Variants in KPNA7 observed in about 807,000 individuals in gnomAD.
KPNA7 encodes the protein importin subunit alpha-8.
KPNA7 carries 54 observed loss-of-function variants against 53.7 expected under a neutral mutation model. The ratio of observed to expected loss-of-function variants is 1.01; its 90% confidence interval spans 0.81 to 1.26. KPNA7 has a LOEUF of 1.26. Among genes scored for constraint, KPNA7 ranks in the 50% most tolerant of loss-of-function variants. KPNA7 has a pLI of 0.00. For missense variants in KPNA7, 640 were observed against 644.5 expected (o/e 0.99, Z 0.07); for synonymous variants, 276 against 259.3 (o/e 1.06, Z -0.62).
intron 6 of KPNA7, among the ~76,000 whole-genome samples, chr7:99,191,813 C>T (rs754622565): frequency 3.9e-5 from 6 of 152,076 alleles, no homozygotes; most frequent in Non-Finnish European, 7.4e-5. Context: ...CCATGCCTGG[C>T]TAGTTTCTGT....
At chr7:99,209,268 A>G (rs113150291), upstream of KPNA7, among the ~76,000 whole-genome samples, 21 of 152,208 alleles carry the variant, frequency 1.4e-4, no homozygotes, top group African/African-American at 3.8e-4. Flanking sequence ...CCCACACCCA[A>G]TGCACCAGCA....
chr7:99,165,317 A>C, the KPNA7 span, among the ~76,000 whole-genome samples: 1 of 133,710 alleles, frequency 7.5e-6, no homozygotes, highest in East Asian at 2.3e-4. Context: ...AAAAAAAAAA[A>C]GGCTCAGAGA....
chr7:99,196,308 G>A (rs1790228455), intron 3 of KPNA7, 142 bp from the exon 4 acceptor site: 1 of 629,204 alleles, frequency 1.6e-6, no homozygotes, highest in East Asian at 2.8e-5. Flanking sequence ...TATTTGGGGA[G>A]GGGAGAATAT....
intron 1 of KPNA7, among the ~76,000 whole-genome samples, chr7:99,216,852 A>G (rs950037387): frequency 6.6e-6 from 1 of 152,144 alleles, no homozygotes; most frequent in African/African-American, 2.4e-5. Context: ...ATGAGCCACC[A>G]TGCCCAGCCA....
intron 1 of KPNA7, among the ~76,000 whole-genome samples, chr7:99,216,465 C>T (rs1584327867): frequency 6.6e-6 from 1 of 152,182 alleles, no homozygotes; most frequent in South Asian, 2.1e-4. Flanking sequence ...GCTCCCTATA[C>T]ACTGTAAGAC....
chr7:99,198,408 A>C (rs1226123319), intron 3 of KPNA7, among the ~76,000 whole-genome samples: 4 of 152,206 alleles, frequency 2.6e-5, no homozygotes, highest in Non-Finnish European at 5.9e-5. Flanking sequence ...TAAACGTATG[A>C]AACATATGGT....
At position 99,193,007 on chromosome 7, in the gene KPNA7, A is replaced by G; in HGVS notation, c.636+12T>C. On this transcript the variant is annotated intron_variant, in intron 6 of 10. Transcript: ENST00000327442. ...TTTAAAAAAAAAAAAAGAGAAAGAA[A>G]AAGACACTTACCGGCAGGGTGGGTG... 1 of 1,486,114 alleles carries G rather than the reference A, an allele frequency of 6.7e-7. No homozygotes were observed. The highest frequency in any genetic ancestry group is 9.0e-7 in the Non-Finnish European group (1 of 1,117,020). The allele number at this position is 1,486,114 out of a possible 1,614,324, so 92.1% of individuals were successfully genotyped here. A position where few individuals can be genotyped will look rare whatever the true frequency, so the allele number is the denominator to read the frequency against.
At chr7:99,157,590 C>T in the KPNA7 span, among the ~76,000 whole-genome samples, 1 of 152,248 alleles carries the variant, frequency 6.6e-6, no homozygotes, top group East Asian at 1.9e-4. Flanking sequence ...ATTTAGATTT[C>T]TTCTATACAT....
Position 99,185,055 on chromosome 7 carries a change from G to A in KPNA7, c.1008C>T (p.His336=), listed in dbSNP as rs750608031. ...CCTCCTTCTGGATGGAGGGCTTGTT[G>A]TGTTGCAGGAGCTGGGGGAGCACGT... ...MLNVLPQLLQ[H]NKPSIQKEAA... is the part of the protein sequence containing the mutation. The change falls in exon 8 of 11, where the codon CAC becomes CAT. Residue 336 remains histidine (H), a synonymous_variant. Transcript: ENST00000327442. 12 of 1,551,936 alleles carry A rather than the reference G, an allele frequency of 7.7e-6. No individual in the cohort carries two copies. The South Asian group carries it at 1.3e-4, about 17-fold the overall frequency.
At chr7:99,154,122 A>C in the KPNA7 span, among the ~76,000 whole-genome samples, 2 of 151,860 alleles carry the variant, frequency 1.3e-5, no homozygotes, top group African/African-American at 4.8e-5. Flanking sequence ...CAAAATGAGA[A>C]TAGCTCACAC....
intron 1 of KPNA7, among the ~76,000 whole-genome samples, chr7:99,216,949 G>A (rs1434910826): frequency 6.6e-6 from 1 of 152,076 alleles, no homozygotes; most frequent in East Asian, 1.9e-4. Flanking sequence ...CCTCTGGTTG[G>A]GGCATTTCAG....
At chr7:99,147,118 A>G in the KPNA7 span, among the ~76,000 whole-genome samples, 1 of 152,192 alleles carries the variant, frequency 6.6e-6, no homozygotes, top group South Asian at 2.1e-4. Context: ...GCCACCTGCT[A>G]TGTGGCTAGG....
Position 99,195,882 on chromosome 7 carries a change from T to G in KPNA7, c.284+202A>C, listed in dbSNP as rs116131058. 5.4e-3 allele frequency among the ~76,000 whole-genome samples: 823 copies of G among 152,360 alleles called. 5 individuals are homozygous for G. The highest frequency in any genetic ancestry group is 0.019 in the African/African-American group (803 of 41,580). ...CAATGTAAATTAAGCAATTCATCTC[T>G]GACAACACATCGAAGCTTTTAAATT... On this transcript the variant is annotated intron_variant, in intron 4 of 10. Coordinates refer to ENST00000327442, the MANE Select transcript of KPNA7 (RefSeq NM_001145715.3).
chr7:99,181,994 C>G lies in KPNA7; in HGVS notation c.1206G>C (p.Gln402His). 6.4e-7 allele frequency: 1 copy of G among 1,550,952 alleles called. No individual in the cohort carries two copies. Among genetic ancestry groups the G allele is most frequent in the Non-Finnish European group, 8.7e-7 (1 of 1,146,396 alleles). Residue 402 changes from glutamine to histidine, a missense_variant, in exon 9 of 11, where the codon CAG becomes CAC. By Grantham distance (24) the Gln-to-His change is conservative. Transcript: ENST00000327442. Reference sequence around the variant, plus strand: ...CCCCAGAGTGGACGAGCTGGATCAGCTGATCCATGGTGGCCCCTGTTGCAA... The same window carrying G: ...CCCCAGAGTGGACGAGCTGGATCAGGTGATCCATGGTGGCCCCTGTTGCAA... Reference protein sequence around the residue: ...ANFATGATMDQLIQLVHSGVL... With the variant: ...ANFATGATMDHLIQLVHSGVL...
chr7:99,203,280 TG>T, intron 2 of KPNA7, 40 bp from the exon 3 acceptor site: 1 of 1,539,454 alleles, frequency 6.5e-7, no homozygotes, highest in East Asian at 2.5e-5. Flanking sequence ...GAACCAGGAG[TG>T]GGGATGTCAC....
At chr7:99,150,588 T>C in the KPNA7 span, among the ~76,000 whole-genome samples, 2 of 151,970 alleles carry the variant, frequency 1.3e-5, no homozygotes, top group South Asian at 4.2e-4. Flanking sequence ...CTAATTTTTG[T>C]ATTTTTTAGT....
the KPNA7 span, among the ~76,000 whole-genome samples, chr7:99,163,987 A>C: frequency 6.6e-6 from 1 of 151,948 alleles, no homozygotes; most frequent in Non-Finnish European, 1.5e-5. Context: ...GTCAGGAAAC[A>C]ATAGGTGCTA....
chr7:99,170,498 T>C (rs1484048505), downstream of KPNA7, among the ~76,000 whole-genome samples: 1 of 151,788 alleles, frequency 6.6e-6, no homozygotes, highest in Non-Finnish European at 1.5e-5. Context: ...GCAGGGGAGA[T>C]AATTCTATTT....
chr7:99,195,656 T>TCATAC (rs1790191899), intron 4 of KPNA7, among the ~76,000 whole-genome samples: 1 of 152,014 alleles, frequency 6.6e-6, no homozygotes, highest in Non-Finnish European at 1.5e-5. Context: ...TGAGCTAAGA[T>TCATAC]CATACCATTG....
Sources: gnomAD v4.1 joint callset for allele counts (sites outside exome capture counted in the v4.1 genomes callset) on GRCh38, gnomAD v4.1.1 for gene constraint, MANE v1.5 for transcripts, NCBI Gene and HGNC (gene_info 2026-07-23, HGNC 2026-07-21) for gene names.